SLC5A9: variants seen among roughly 807,000 people sequenced by gnomAD.
SLC5A9 encodes solute carrier family 5 member 9.
Under a neutral mutation model 70.9 loss-of-function variants are expected in SLC5A9, and 59 were observed. The observed-to-expected ratio is 0.83, with a 90% CI of 0.68 to 1.03. The LOEUF is 1.03. Ranked by LOEUF, SLC5A9 falls within the 50% of genes least tolerant of loss-of-function variation. The probability of loss-of-function intolerance (pLI) is 0.00; values close to 1 mark genes in which losing one functional copy is unlikely to be tolerated. For missense variants in SLC5A9, 832 were observed against 881.1 expected (o/e 0.94, Z 0.71); for synonymous variants, 340 against 346.5 (o/e 0.98, Z 0.21).
intron 2 of SLC5A9, among the ~76,000 whole-genome samples, chr1:48,227,059 G>A (rs920145667): frequency 2.3e-4 from 35 of 152,082 alleles, no homozygotes; most frequent in South Asian, 1.2e-3. Flanking sequence ...CTTTGCGAAT[G>A]TATGTGCACG....
rs562197666 is a variant in SLC5A9, at chr1:48,245,834, A to T, written c.1838-1501A>T. Among the ~76,000 whole-genome samples, 20 of 152,024 alleles carry T rather than the reference A, an allele frequency of 1.3e-4. 1 individual carries two copies. Among genetic ancestry groups the T allele is most frequent in the Admixed American group, 1.3e-3 (20 of 15,272 alleles). The stretch of plus-strand genomic sequence containing the variant: ...AAATTAGCAGGGCGTGGTGGTGCAC[A>T]CCTGTGGTCATAGCTGCTCAGGAGG... On this transcript the variant is annotated intron_variant, in intron 13 of 13. Coordinates refer to ENST00000438567, the MANE Select transcript of SLC5A9 (RefSeq NM_001011547.3).
At chr1:48,233,883 A>G in intron 9 of SLC5A9, 121 bp downstream of exon 9, 3 of 727,518 alleles carry the variant, frequency 4.1e-6, no homozygotes, top group East Asian at 2.7e-5. Context: ...TCACCTCTGC[A>G]CCCCCATCCC....
intron 13 of SLC5A9, among the ~76,000 whole-genome samples, chr1:48,245,399 GAAA>G (rs1377293289): frequency 1.3e-5 from 2 of 152,102 alleles, no homozygotes; most frequent in East Asian, 3.9e-4. Context: ...GAAGCCAAGA[GAAA>G]TGCCTGCTCC....
chr1:48,235,639 G>A (rs1489735607), intron 9 of SLC5A9, 90 bp from the exon 10 acceptor site: 2 of 1,504,908 alleles, frequency 1.3e-6, no homozygotes, highest in Non-Finnish European at 1.8e-6. Context: ...CCCAGCTCCT[G>A]ACTCTACAGA....
Position 48,231,969 on chromosome 1 carries a change from C to T in SLC5A9, c.715C>T (p.Pro239Ser), listed in dbSNP as rs1451181629. 6.2e-7 allele frequency: 1 copy of T among 1,614,134 alleles called. No individual in the cohort carries two copies. Among genetic ancestry groups the T allele is most frequent in the South Asian group, 1.1e-5 (1 of 91,072 alleles). ...FLGFQDVGWY[P>S]GLEQRYRQAI... Reference sequence around the variant, plus strand: ...AGGCTTTCAGGACGTGGGCTGGTACCCAGGCCTGGAGCAGCGGTACAGGCA... The same window carrying T: ...AGGCTTTCAGGACGTGGGCTGGTACTCAGGCCTGGAGCAGCGGTACAGGCA... The change falls in exon 7 of 14, where the codon CCA becomes TCA. Residue 239 changes from proline to serine, a missense_variant. Coordinates refer to ENST00000438567, the MANE Select transcript of SLC5A9 (RefSeq NM_001011547.3).
rs1191824292 is a variant in SLC5A9, at chr1:48,239,357, G to A, written c.1497G>A (p.Val499=). ...GGGGCCTCGTGTTTGGCCTGGGAGT[G>A]GGGCTTCTGCGTATGATCCTGGAGT... ...AFWGLVFGLG[V]GLLRMILEFS... is the part of the protein sequence containing the mutation. The change falls in exon 12 of 14, where the codon GTG becomes GTA. Residue 499 remains valine (V), a synonymous_variant. Coordinates refer to ENST00000438567, the MANE Select transcript of SLC5A9 (RefSeq NM_001011547.3). The surrounding 1 kb of genome is among the most constrained non-coding windows in gnomAD (Gnocchi z 4.2). 1 of 1,613,658 alleles carries A rather than the reference G, an allele frequency of 6.2e-7. No homozygotes were observed. Among genetic ancestry groups the A allele is most frequent in the Non-Finnish European group, 8.5e-7 (1 of 1,179,622 alleles).
chr1:48,237,810 TCC>T lies in SLC5A9; in HGVS notation c.1425_1426del (p.Leu476AlafsTer81), dbSNP rs779090909. ...CTGGCCCCACCCATCACCGCTCTCTTCCTGCTGGCCATCTTCTGCAAGAGGGT... is the reference window on the plus strand; with the variant it reads ...CTGGCCCCACCCATCACCGCTCTCTTTGCTGGCCATCTTCTGCAAGAGGGT... On this transcript the variant is annotated frameshift_variant, in exon 11 of 14. Transcript: ENST00000438567. LOFTEE classifies it high-confidence loss of function. 1 of 1,614,066 alleles carries T rather than the reference TCC, an allele frequency of 6.2e-7. No individual in the cohort carries two copies. Among genetic ancestry groups the T allele is most frequent in the East Asian group, 2.2e-5 (1 of 44,866 alleles).
chr1:48,244,878 GTATATATATATATATATA>G lies in SLC5A9; in HGVS notation c.1837+2277_1837+2294del, dbSNP rs756117312. On this transcript the variant is annotated intron_variant, in intron 13 of 13. Coordinates refer to ENST00000438567, the MANE Select transcript of SLC5A9 (RefSeq NM_001011547.3). ...TGTGTGTGTGTATGTATGTGTATGT[GTATATATATATATATATA>G]TATATATATATATAAAACCTCTGTC... Among the ~76,000 whole-genome samples, 44 of 29,402 alleles carry G rather than the reference GTATATATATATATATATA, an allele frequency of 1.5e-3. 3 individuals carry two copies. Among genetic ancestry groups the G allele is most frequent in the African/African-American group, 3.4e-3 (40 of 11,882 alleles). 19.3% of individuals were successfully genotyped at this position (29,402 alleles called of 152,430 possible). A position where few individuals can be genotyped will look rare whatever the true frequency, so the allele number is the denominator to read the frequency against.
In SLC5A9 at chr1:48,232,164, C is replaced by A; in HGVS notation, c.897+13C>A. On this transcript the variant is annotated intron_variant, in intron 7 of 13. Coordinates refer to ENST00000438567, the MANE Select transcript of SLC5A9 (RefSeq NM_001011547.3). ...GTGCACAGACCAGGTAATCCCCCAG[C>A]CAGGCTTAGCCCAGCCTGCCAGGAA... 2 of 1,601,432 alleles carry A rather than the reference C, an allele frequency of 1.2e-6. No individual in the cohort carries two copies.
At chr1:48,223,905 G>T (rs1470531796) in intron 1 of SLC5A9, among the ~76,000 whole-genome samples, 2 of 152,178 alleles carry the variant, frequency 1.3e-5, no homozygotes, top group African/African-American at 4.8e-5. Context: ...TCTGTAAAAT[G>T]GATCTGTTTT....
Position 48,239,993 on chromosome 1 carries a change from A to C in SLC5A9, c.1677+456A>C, listed in dbSNP as rs1359005073. 6.6e-6 allele frequency among the ~76,000 whole-genome samples: 1 copy of C among 152,200 alleles called. No homozygotes were observed. Among genetic ancestry groups the C allele is most frequent in the Non-Finnish European group, 1.5e-5 (1 of 68,040 alleles). ...ATAGAGAATTTTTGAGTGGGCAAGAAACAAATACAAGAGAAAAGAAACAGA... is the reference window on the plus strand; with the variant it reads ...ATAGAGAATTTTTGAGTGGGCAAGACACAAATACAAGAGAAAAGAAACAGA... On this transcript the variant is annotated intron_variant, in intron 12 of 13. Transcript: ENST00000438567. The surrounding 1 kb of genome is among the most constrained non-coding windows in gnomAD (Gnocchi z 4.2).
At chr1:48,231,858 T>C in intron 6 of SLC5A9, 88 bp from the exon 7 acceptor site, 1 of 1,584,108 alleles carries the variant, frequency 6.3e-7, no homozygotes, top group Non-Finnish European at 8.6e-7. Flanking sequence ...AGTTCCAACC[T>C]GAGGGCCCAC....
intron 2 of SLC5A9, among the ~76,000 whole-genome samples, chr1:48,226,756 G>C (rs888809970): frequency 2.6e-5 from 4 of 152,198 alleles, no homozygotes; most frequent in African/African-American, 7.2e-5. Flanking sequence ...ATGTCTCCTG[G>C]GTTAGGAGCA....
At chr1:48,225,766 C>T (rs1290286133) in intron 2 of SLC5A9, among the ~76,000 whole-genome samples, 1 of 152,124 alleles carries the variant, frequency 6.6e-6, no homozygotes, top group Non-Finnish European at 1.5e-5. Context: ...ACACTCACAC[C>T]TTCTCTCACG....
At chr1:48,244,393 C>T (rs955468235) in intron 13 of SLC5A9, among the ~76,000 whole-genome samples, 1 of 152,134 alleles carries the variant, frequency 6.6e-6, no homozygotes, top group African/African-American at 2.4e-5. Context: ...CCTGAGAAGG[C>T]TCCCACCTTT....
chr1:48,230,638 A>G lies in SLC5A9; in HGVS notation c.543A>G (p.Ala181=), dbSNP rs544431594. 2.2e-5 allele frequency: 36 copies of G among 1,614,062 alleles called. No homozygotes were observed. The South Asian group carries it at 3.5e-4, about 16-fold the overall frequency. ...IFSGALFIQM[A]LGWNLYLSTG... is the part of the protein sequence containing the mutation. ...CTGGAGCCCTCTTCATCCAGATGGCATTGGGCTGGAACCTGTACCTCTCCA... is the reference window on the plus strand; with the variant it reads ...CTGGAGCCCTCTTCATCCAGATGGCGTTGGGCTGGAACCTGTACCTCTCCA... Residue 181 remains alanine (A), a synonymous_variant, in exon 5 of 14, where the codon GCA becomes GCG. Transcript: ENST00000438567.
intron 2 of SLC5A9, among the ~76,000 whole-genome samples, chr1:48,227,283 GTA>G (rs896581121): frequency 5.3e-4 from 48 of 90,282 alleles, no homozygotes; most frequent in Non-Finnish European, 7.9e-4. Context: ...GTGTGTGTGT[GTA>G]TGTGTGAGAG....
At chr1:48,240,249 TCTC>T (rs1454447445) in intron 12 of SLC5A9, 4 of 152,250 alleles carry the variant, frequency 2.6e-5, no homozygotes, top group African/African-American at 7.2e-5. Flanking sequence ...AAGACTGTCT[TCTC>T]CTCTTTGTCT....
intron 6 of SLC5A9, 75 bp from the exon 7 acceptor site, chr1:48,231,871 G>A: frequency 6.3e-7 from 1 of 1,593,706 alleles, no homozygotes; most frequent in Admixed American, 1.7e-5. Context: ...GGGCCCACAT[G>A]AGGCTGGGGC....
Sources: allele counts gnomAD v4.1 joint callset (sites outside exome capture counted in the v4.1 genomes callset), GRCh38; gene constraint gnomAD v4.1.1; non-coding constraint Gnocchi (gnomAD v3.1); transcripts MANE v1.5; gene names NCBI Gene and HGNC (gene_info 2026-07-23, HGNC 2026-07-21).